ADAMTSL1: variants seen among roughly 807,000 people sequenced by gnomAD.
ADAMTSL1 encodes ADAMTS like 1.
Under a neutral mutation model 201.8 loss-of-function variants are expected in ADAMTSL1, and 126 were observed. The observed-to-expected ratio is 0.62, with a 90% CI of 0.54 to 0.72. The LOEUF is 0.72. Ranked by LOEUF, ADAMTSL1 falls within the 30% of genes least tolerant of loss-of-function variation. ADAMTSL1 has a pLI of 0.00. For missense variants in ADAMTSL1, 2,679 were observed against 2,277.8 expected (o/e 1.18, Z -3.59); for synonymous variants, 1,121 against 903.4 (o/e 1.24, Z -4.32).
chr9:18,207,036 ATGC>A (rs1829679108), intron 2 of ADAMTSL1, among the ~76,000 whole-genome samples: 1 of 152,000 alleles, frequency 6.6e-6, no homozygotes, highest in Non-Finnish European at 1.5e-5. Context: ...GTCGTGGTGC[ATGC>A]CTGTAATCCC....
chr9:18,838,432 T>C (rs1825473421), intron 23 of ADAMTSL1, among the ~76,000 whole-genome samples: 1 of 148,240 alleles, frequency 6.7e-6, no homozygotes, highest in Admixed American at 6.7e-5. Context: ...GAAATTGTCC[T>C]CAGGAAGGTA....
intron 3 of ADAMTSL1, among the ~76,000 whole-genome samples, chr9:18,553,193 T>C (rs1489430904): frequency 2.7e-5 from 4 of 150,178 alleles, no homozygotes; most frequent in Admixed American, 1.3e-4. Context: ...TCTTGACTTC[T>C]TAGAGCTAGT....
chr9:18,661,963 C>T lies in ADAMTSL1; in HGVS notation c.975C>T (p.Tyr325=), dbSNP rs141627942. Residue 325 remains tyrosine (Y), a synonymous_variant, in exon 9 of 29, where the codon TAC becomes TAT. Coordinates refer to ENST00000380548, the MANE Select transcript of ADAMTSL1 (RefSeq NM_001040272.6). Reference sequence around the variant, plus strand: ...ATCAGCTGACATCGGCTGAGTGCTACGATCTGAGGAGCAACCGTGTGGTTG... The same window carrying T: ...ATCAGCTGACATCGGCTGAGTGCTATGATCTGAGGAGCAACCGTGTGGTTG... ...GGYQLTSAEC[Y]DLRSNRVVAD... is the part of the protein sequence containing the mutation. 1.3e-4 allele frequency: 210 copies of T among 1,613,796 alleles called. 1 individual carries two copies. In the Admixed American group the frequency reaches 2.9e-3, roughly 22 times the overall value.
intron 16 of ADAMTSL1, among the ~76,000 whole-genome samples, chr9:18,763,065 T>C (rs1442286120): frequency 2.0e-5 from 3 of 152,198 alleles, no homozygotes; most frequent in African/African-American, 7.2e-5. Context: ...AATTTTTACT[T>C]TTTTAAGGAA....
intron 2 of ADAMTSL1, among the ~76,000 whole-genome samples, chr9:18,219,091 A>G (rs776229540): frequency 6.6e-6 from 1 of 151,564 alleles, no homozygotes; most frequent in Non-Finnish European, 1.5e-5. Flanking sequence ...TACTCTATTG[A>G]CTTATACTGG....
At chr9:18,168,528 T>A (rs548468061) in intron 2 of ADAMTSL1, among the ~76,000 whole-genome samples, 6 of 151,900 alleles carry the variant, frequency 3.9e-5, no homozygotes, top group African/African-American at 1.4e-4. Flanking sequence ...TCTATCATTG[T>A]TGGACATTTG....
At chr9:18,546,571 A>C (rs1217664477) in intron 3 of ADAMTSL1, among the ~76,000 whole-genome samples, 1 of 152,152 alleles carries the variant, frequency 6.6e-6, no homozygotes, top group East Asian at 1.9e-4. Context: ...TCCTTCCCCA[A>C]ATAGAAATTT....
intron 2 of ADAMTSL1, among the ~76,000 whole-genome samples, chr9:18,265,716 T>G (rs1249416034): frequency 6.6e-6 from 1 of 152,214 alleles, no homozygotes; most frequent in South Asian, 2.1e-4. Context: ...TTGCCAAAAA[T>G]GTCTTTTAAA....
intron 1 of ADAMTSL1, among the ~76,000 whole-genome samples, chr9:18,159,625 A>C (rs1279516792): frequency 6.6e-6 from 1 of 152,024 alleles, no homozygotes; most frequent in Non-Finnish European, 1.5e-5. Context: ...TAACTTTCCA[A>C]ATTTCAGTCA....
At chr9:18,550,689 T>A (rs1048649645) in intron 3 of ADAMTSL1, among the ~76,000 whole-genome samples, 1 of 151,978 alleles carries the variant, frequency 6.6e-6, no homozygotes, top group Non-Finnish European at 1.5e-5. Context: ...CCATGCTTTA[T>A]CTGGGTGTCT....
At chr9:18,144,451 C>A (rs908028682) in intron 1 of ADAMTSL1, among the ~76,000 whole-genome samples, 8 of 152,094 alleles carry the variant, frequency 5.3e-5, no homozygotes, top group African/African-American at 1.9e-4. Flanking sequence ...GGTGATCCTC[C>A]CTCCTCGCCC....
At chr9:18,566,623 G>A (rs1821913332) in intron 3 of ADAMTSL1, among the ~76,000 whole-genome samples, 1 of 152,184 alleles carries the variant, frequency 6.6e-6, no homozygotes. Context: ...ATTCCAGGCA[G>A]AAGGGATGGA....
chr9:18,475,696 T>C (rs1381773437), intron 1 of ADAMTSL1, among the ~76,000 whole-genome samples: 2 of 152,194 alleles, frequency 1.3e-5, no homozygotes, highest in Non-Finnish European at 2.9e-5. Context: ...ATTTTTTCCA[T>C]ATGGGATGTG....
chr9:18,267,351 T>C (rs1832158502), intron 2 of ADAMTSL1, among the ~76,000 whole-genome samples: 1 of 152,166 alleles, frequency 6.6e-6, no homozygotes, highest in Admixed American at 6.6e-5. Flanking sequence ...TCTTTTATAG[T>C]TCTTACAGGT....
chr9:18,284,014 T>A (rs1563857352), intron 2 of ADAMTSL1, among the ~76,000 whole-genome samples: 1 of 150,916 alleles, frequency 6.6e-6, no homozygotes, highest in Non-Finnish European at 1.5e-5. Flanking sequence ...GCAGATCACC[T>A]GAAGTCAGCA....
intron 1 of ADAMTSL1, among the ~76,000 whole-genome samples, chr9:18,018,132 A>G (rs751057890): frequency 1.3e-5 from 2 of 152,100 alleles, no homozygotes; most frequent in Non-Finnish European, 2.9e-5. Context: ...TGATATGTGC[A>G]CTCAAAAGCC....
intron 1 of ADAMTSL1, among the ~76,000 whole-genome samples, chr9:18,475,132 A>G (rs1821387977): frequency 6.6e-6 from 1 of 152,230 alleles, no homozygotes; most frequent in South Asian, 2.1e-4. Context: ...CAGGCAGCTT[A>G]GTAAACCTCA....
chr9:18,663,866 A>G (rs1829265671), intron 9 of ADAMTSL1, among the ~76,000 whole-genome samples: 1 of 152,134 alleles, frequency 6.6e-6, no homozygotes, highest in Non-Finnish European at 1.5e-5. Flanking sequence ...TCTGTTGGAG[A>G]AACTTTTTTG....
chr9:18,804,878 T>C (rs1823007449), intron 20 of ADAMTSL1, among the ~76,000 whole-genome samples: 2 of 152,254 alleles, frequency 1.3e-5, no homozygotes, highest in South Asian at 4.1e-4. Context: ...GTATTGTTCA[T>C]TGATTAAATC....
Sources: allele counts gnomAD v4.1 joint callset (sites outside exome capture counted in the v4.1 genomes callset), GRCh38; gene constraint gnomAD v4.1.1; transcripts MANE v1.5; gene names NCBI Gene and HGNC (gene_info 2026-07-23, HGNC 2026-07-21).